The following SETD2 variants were observed in gnomAD, a reference collection of about 807,000 sequenced individuals.
SETD2 encodes the protein SET domain containing 2, histone lysine methyltransferase.
Under a neutral mutation model 242.1 loss-of-function variants are expected in SETD2, and 31 were observed. The ratio of observed to expected loss-of-function variants is 0.13; its 90% CI spans 0.10 to 0.17. The LOEUF is 0.17. Ranked by LOEUF, SETD2 falls within the 10% of genes least tolerant of loss-of-function variation. The pLI is 1.00. For missense variants in SETD2, 2,481 were observed against 3,046.3 expected (o/e 0.81, Z 4.37); for synonymous variants, 1,006 against 1,066.5 (o/e 0.94, Z 1.11).
intron 1 of SETD2, among the ~76,000 whole-genome samples, chr3:47,153,146 C>A (rs2044035734): frequency 7.0e-6 from 1 of 143,470 alleles, no homozygotes; most frequent in South Asian, 2.3e-4. Flanking sequence ...GAGGTGAGAC[C>A]CAGTGAAGTG....
At chr3:47,063,941 C>G (rs2040446141) in intron 13 of SETD2, among the ~76,000 whole-genome samples, 1 of 151,940 alleles carries the variant, frequency 6.6e-6, no homozygotes, top group Non-Finnish European at 1.5e-5. Context: ...CGAGATCGCG[C>G]CACTGCATTC....
chr3:47,131,375 G>A (rs578170138), intron 1 of SETD2, among the ~76,000 whole-genome samples: 1 of 152,014 alleles, frequency 6.6e-6, no homozygotes, highest in African/African-American at 2.4e-5. Flanking sequence ...ACAGAGTATC[G>A]CTCTGTCGCC....
intron 18 of SETD2, among the ~76,000 whole-genome samples, chr3:47,027,936 C>T (rs530184126): frequency 3.9e-5 from 6 of 151,970 alleles, no homozygotes; most frequent in South Asian, 2.1e-4. Context: ...GGACTACAGG[C>T]GCCCCCCCGC....
intron 1 of SETD2, among the ~76,000 whole-genome samples, chr3:47,128,024 T>C (rs1391573142): frequency 2.6e-5 from 4 of 151,752 alleles, no homozygotes; most frequent in Admixed American, 6.6e-5. Flanking sequence ...CAAAATAACA[T>C]AGAATAATAT....
At position 47,120,843 on chromosome 3, in the gene SETD2, C is replaced by T. The variant is rs1337050438; in HGVS notation, c.3793G>A (p.Glu1265Lys). 2 of 1,614,198 alleles carry T rather than the reference C, an allele frequency of 1.2e-6. No homozygotes were observed. Among genetic ancestry groups the T allele is most frequent in the Non-Finnish European group, 1.7e-6 (2 of 1,180,026 alleles). ...LRNLGWDFSQ[E>K]KPSTTYQQPD... is the part of the protein sequence containing the mutation. ...TGCTGATACGTGGTAGAAGGCTTTT[C>T]TTGAGAGAAGTCCCAACCTAAGTTT... Residue 1265 changes from glutamate to lysine, a missense_variant, in exon 3 of 21, where the codon GAA becomes AAA. This residue lies in a region of SETD2 where 1,300 missense variants were observed against 1,259.2 expected (regional missense o/e 1.03). Coordinates refer to ENST00000409792, the MANE Select transcript of SETD2 (RefSeq NM_014159.7).
At chr3:47,102,150 A>T (rs1235938338) in intron 7 of SETD2, among the ~76,000 whole-genome samples, 2 of 152,234 alleles carry the variant, frequency 1.3e-5, no homozygotes, top group African/African-American at 4.8e-5. Context: ...GTTCCAAAAC[A>T]TGTAAGCAAG....
At chr3:47,059,677 C>T (rs1434514456) in intron 14 of SETD2, among the ~76,000 whole-genome samples, 1 of 152,174 alleles carries the variant, frequency 6.6e-6, no homozygotes, top group South Asian at 2.1e-4. Flanking sequence ...CTCGGCCTCC[C>T]AAAGTGCTGG....
In SETD2 at chr3:47,113,795, T is replaced by C. The variant is rs1244607390; in HGVS notation, c.4715+81A>G. On this transcript the variant is annotated intron_variant, in intron 5 of 20. Coordinates refer to ENST00000409792, the MANE Select transcript of SETD2 (RefSeq NM_014159.7). Reference sequence around the variant, plus strand: ...TAGAGGTTCCAGTGAGCCAAGATCGTGCCACTGCACTCCAGTCTGGGTGAA... The same window carrying C: ...TAGAGGTTCCAGTGAGCCAAGATCGCGCCACTGCACTCCAGTCTGGGTGAA... 2.9e-6 allele frequency: 4 copies of C among 1,403,026 alleles called. No individual in the cohort carries two copies. In the East Asian group the frequency reaches 7.1e-5, roughly 25 times the overall value. The allele number at this position is 1,403,026 out of a possible 1,614,324, so 86.9% of individuals were successfully genotyped here.
At chr3:47,020,453 A>G (rs1433990580) in intron 18 of SETD2, among the ~76,000 whole-genome samples, 1 of 152,046 alleles carries the variant, frequency 6.6e-6, no homozygotes, top group African/African-American at 2.4e-5. Context: ...CACAGAAGAT[A>G]CTCTATGTCC....
chr3:47,161,952 T>C (rs1034107861), intron 1 of SETD2, among the ~76,000 whole-genome samples: 3 of 149,004 alleles, frequency 2.0e-5, no homozygotes, highest in Non-Finnish European at 4.5e-5. Flanking sequence ...AATTTAAAAA[T>C]ATATAATCAC....
intron 12 of SETD2, among the ~76,000 whole-genome samples, chr3:47,070,047 C>A (rs1235649695): frequency 6.6e-6 from 1 of 152,136 alleles, no homozygotes; most frequent in Non-Finnish European, 1.5e-5. Flanking sequence ...CTAAGAATAA[C>A]ACAATTTTGA....
chr3:47,151,166 A>G (rs2043974618), intron 1 of SETD2, among the ~76,000 whole-genome samples: 1 of 152,132 alleles, frequency 6.6e-6, no homozygotes, highest in African/African-American at 2.4e-5. Context: ...TTTCTGATAC[A>G]TAGATCTACA....
rs1395392310 is a variant in SETD2 at position 47,049,319 on chromosome 3, A to ATATATG, written c.6964-2699_6964-2698insCATATA. ...AAGTTTTCTAAATATATATATATAT[A>ATATATG]TATATATATATATATATATATATAT... On this transcript the variant is annotated intron_variant, in intron 15 of 20. Coordinates refer to ENST00000409792, the MANE Select transcript of SETD2 (RefSeq NM_014159.7). 3.1e-4 allele frequency among the ~76,000 whole-genome samples: 5 copies of ATATATG among 16,224 alleles called. No individual in the cohort carries two copies. The East Asian group carries it at 9.7e-3, about 32-fold the overall frequency. The allele number at this position is 16,224 out of a possible 152,430, so 10.6% of individuals were successfully genotyped here.
intron 18 of SETD2, among the ~76,000 whole-genome samples, chr3:47,026,806 G>A (rs1474805139): frequency 6.6e-6 from 1 of 151,904 alleles, no homozygotes; most frequent in Non-Finnish European, 1.5e-5. Flanking sequence ...GGGCCTGTCA[G>A]GGGGTAGGGG....
intron 2 of SETD2, 34 bp from the exon 3 acceptor site, chr3:47,124,582 A>G (rs2106730925): frequency 1.3e-6 from 2 of 1,489,872 alleles, no homozygotes; most frequent in South Asian, 2.7e-5. Flanking sequence ...TTACTACTAC[A>G]ATAAATAGTT....
At chr3:47,054,417 T>C (rs1266248472) in intron 15 of SETD2, among the ~76,000 whole-genome samples, 1 of 152,162 alleles carries the variant, frequency 6.6e-6, no homozygotes, top group Admixed American at 6.5e-5. Flanking sequence ...AGTACTGAGA[T>C]GGGACCTATT....
intron 12 of SETD2, among the ~76,000 whole-genome samples, chr3:47,072,817 G>A (rs900418293): frequency 6.6e-6 from 1 of 151,758 alleles, no homozygotes; most frequent in African/African-American, 2.4e-5. Context: ...CGTGGTGGCG[G>A]GCATCTGTAG....
chr3:47,067,390 T>C (rs2107601355), intron 12 of SETD2, among the ~76,000 whole-genome samples: 1 of 149,942 alleles, frequency 6.7e-6, no homozygotes, highest in South Asian at 2.1e-4. Context: ...TGGGCAAGGA[T>C]ACGCTTCCTG....
chr3:47,099,481 G>A (rs996526433), intron 8 of SETD2, among the ~76,000 whole-genome samples: 3 of 152,140 alleles, frequency 2.0e-5, no homozygotes, highest in Non-Finnish European at 4.4e-5. Flanking sequence ...GGGTAATGTT[G>A]TGTTCTTTCA....
Sources: allele counts gnomAD v4.1 joint callset (sites outside exome capture counted in the v4.1 genomes callset), GRCh38; gene constraint gnomAD v4.1.1; regional missense constraint gnomAD v4.1.1; transcripts MANE v1.5; gene names NCBI Gene and HGNC (gene_info 2026-07-23, HGNC 2026-07-21).